Variants in SPMIP2 observed in about 807,000 individuals in gnomAD.
The protein encoded by SPMIP2 is sperm microtubule inner protein 2, also known as protein SPMIP2.
the SPMIP2 span, among the ~76,000 whole-genome samples, chr4:158,950,811 T>C: frequency 1.3e-5 from 2 of 152,164 alleles, no homozygotes; most frequent in African/African-American, 4.8e-5. Flanking sequence ...CAGAATTGCT[T>C]GAACCTTGGA....
At chr4:158,934,734 G>C in the SPMIP2 span, among the ~76,000 whole-genome samples, 2 of 152,078 alleles carry the variant, frequency 1.3e-5, no homozygotes. Flanking sequence ...CCACCCAAGA[G>C]AGACATATCA....
the SPMIP2 span, chr4:158,915,471 C>T: frequency 1.0e-6 from 1 of 984,768 alleles, no homozygotes; most frequent in Non-Finnish European, 1.5e-6. Context: ...TGATTCTAGC[C>T]ATGTGGCTTA....
the SPMIP2 span, among the ~76,000 whole-genome samples, chr4:159,058,703 A>C: frequency 6.6e-6 from 1 of 152,220 alleles, no homozygotes; most frequent in Non-Finnish European, 1.5e-5. Context: ...AAATAGCTAC[A>C]AAAGAAATAA....
chr4:159,002,173 G>A, the SPMIP2 span, among the ~76,000 whole-genome samples: 2 of 151,936 alleles, frequency 1.3e-5, no homozygotes, highest in African/African-American at 4.8e-5. Flanking sequence ...GGGGTTGTTT[G>A]TTATTTTCCT....
the SPMIP2 span, among the ~76,000 whole-genome samples, chr4:159,029,296 G>A: frequency 6.6e-6 from 1 of 152,188 alleles, no homozygotes; most frequent in Non-Finnish European, 1.5e-5. Context: ...CTGATTGTGG[G>A]AGGATTGACT....
chr4:158,980,478 C>T, the SPMIP2 span, among the ~76,000 whole-genome samples: 68 of 152,348 alleles, frequency 4.5e-4, no homozygotes, highest in South Asian at 7.5e-3. Flanking sequence ...CTGGCGGGTG[C>T]CCCTCTGGGA....
the SPMIP2 span, among the ~76,000 whole-genome samples, chr4:158,976,772 C>T: frequency 1.4e-5 from 2 of 146,976 alleles, no homozygotes; most frequent in African/African-American, 5.1e-5. Context: ...AGCAATTCTC[C>T]CATCTCAGCT....
At chr4:158,907,411 T>C in the SPMIP2 span, 3 of 152,184 alleles carry the variant, frequency 2.0e-5, no homozygotes, top group Non-Finnish European at 2.9e-5. Context: ...TTAACCATAT[T>C]TTTCAAAATT....
the SPMIP2 span, among the ~76,000 whole-genome samples, chr4:158,926,180 ATTCT>A: frequency 6.6e-6 from 1 of 151,930 alleles, no homozygotes; most frequent in African/African-American, 2.4e-5. Context: ...TTGCTTTTCT[ATTCT>A]TTATCTATTT....
the SPMIP2 span, among the ~76,000 whole-genome samples, chr4:158,975,936 G>A: frequency 6.6e-6 from 1 of 152,190 alleles, no homozygotes; most frequent in Non-Finnish European, 1.5e-5. Flanking sequence ...CATGAGCACG[G>A]AATGTTTTTC....
At chr4:158,935,610 C>T in the SPMIP2 span, among the ~76,000 whole-genome samples, 9 of 152,228 alleles carry the variant, frequency 5.9e-5, no homozygotes, top group East Asian at 1.9e-4. Context: ...GACTGCACAA[C>T]GATAAAGGGT....
At chr4:158,977,404 A>G in the SPMIP2 span, among the ~76,000 whole-genome samples, 1 of 151,988 alleles carries the variant, frequency 6.6e-6, no homozygotes, top group South Asian at 2.1e-4. Context: ...GTATTCTCTG[A>G]TAGTAGTTTG....
the SPMIP2 span, among the ~76,000 whole-genome samples, chr4:158,903,617 C>T: frequency 5.3e-5 from 8 of 152,190 alleles, no homozygotes; most frequent in Non-Finnish European, 8.8e-5. Context: ...TCCCCTTCCT[C>T]CCGTAGTCAG....
the SPMIP2 span, among the ~76,000 whole-genome samples, chr4:158,900,902 G>A: frequency 6.6e-6 from 1 of 152,072 alleles, no homozygotes; most frequent in Non-Finnish European, 1.5e-5. Flanking sequence ...TTTTTTGCCC[G>A]TTAGTTGATG....
At chr4:158,896,921 G>A in the SPMIP2 span, among the ~76,000 whole-genome samples, 8 of 151,596 alleles carry the variant, frequency 5.3e-5, no homozygotes, top group South Asian at 2.1e-4. Flanking sequence ...AGGTATACAC[G>A]TGCCATGGTG....
At chr4:158,939,715 C>G in the SPMIP2 span, among the ~76,000 whole-genome samples, 1 of 152,104 alleles carries the variant, frequency 6.6e-6, no homozygotes, top group Non-Finnish European at 1.5e-5. Context: ...TGGTGGCTCA[C>G]ACCTGTAATC....
chr4:158,982,047 A>AG, the SPMIP2 span, among the ~76,000 whole-genome samples: 2 of 151,870 alleles, frequency 1.3e-5, no homozygotes, highest in Non-Finnish European at 2.9e-5. Flanking sequence ...CAAAGTGGAA[A>AG]CCAAAAAAAA....
At chr4:159,037,444 CTTTT>C in the SPMIP2 span, among the ~76,000 whole-genome samples, 3 of 143,790 alleles carry the variant, frequency 2.1e-5, no homozygotes, top group African/African-American at 7.6e-5. Flanking sequence ...CTGTTCCTTC[CTTTT>C]TTTTTTTTTC....
chr4:158,945,891 A>C, the SPMIP2 span, among the ~76,000 whole-genome samples: 3 of 152,132 alleles, frequency 2.0e-5, no homozygotes, highest in African/African-American at 7.2e-5. Context: ...CCTGGACCTA[A>C]AATCTTAGCT....
Sources: allele counts gnomAD v4.1 joint callset (sites outside exome capture counted in the v4.1 genomes callset), GRCh38; gene constraint gnomAD v4.1.1; transcripts MANE v1.5; gene names NCBI Gene and HGNC (gene_info 2026-07-23, HGNC 2026-07-21).